Variants in AJAP1 observed in about 807,000 individuals in gnomAD.
The protein encoded by AJAP1 is adherens junction-associated protein 1.
A neutral mutation model predicts 35.0 loss-of-function variants in AJAP1; 5 were observed. The observed-to-expected ratio is 0.14, with a 90% CI of 0.07 to 0.30. The LOEUF (loss-of-function observed/expected upper bound fraction) is 0.30, where lower values mean the gene tolerates loss of function less well. AJAP1 is among the 10% of genes least tolerant of loss of function. The probability of loss-of-function intolerance (pLI) is 1.00; values close to 1 mark genes in which losing one functional copy is unlikely to be tolerated. For synonymous variants in AJAP1, 284 were observed against 249.3 expected (o/e 1.14, Z -1.31); for missense variants, 586 against 571.0 (o/e 1.03, Z -0.27).
intron 2 of AJAP1, among the ~76,000 whole-genome samples, chr1:4,763,087 T>C (rs1641608547): frequency 3.9e-5 from 6 of 152,208 alleles, no homozygotes; most frequent in Admixed American, 2.0e-4. Flanking sequence ...AACCCAAGGC[T>C]TCAGCTGCAG....
In AJAP1 at chr1:4,655,409, C is replaced by G. The variant is rs1177271646; in HGVS notation, c.-17C>G. On this transcript the variant is annotated 5_prime_UTR_variant, in exon 1 of 6. Transcript: ENST00000378191. This position sits in a 1 kb window ranked among gnomAD's most constrained non-coding sequence, Gnocchi z 6.9. Reference sequence around the variant, plus strand: ...TGGGCGAGCCAGGTCTGAGGCCCCGCTCCCCGAAACGTGACCATGTGGATT... The same window carrying G: ...TGGGCGAGCCAGGTCTGAGGCCCCGGTCCCCGAAACGTGACCATGTGGATT... 2.6e-6 allele frequency: 4 copies of G among 1,559,378 alleles called. No homozygotes were observed. The highest frequency in any genetic ancestry group is 3.5e-6 in the Non-Finnish European group (4 of 1,153,082).
chr1:4,759,428 G>A (rs1246159389), intron 2 of AJAP1, among the ~76,000 whole-genome samples: 1 of 152,204 alleles, frequency 6.6e-6, no homozygotes, highest in Non-Finnish European at 1.5e-5. Context: ...GAAGCTGGAT[G>A]GACTGATGTT....
intron 2 of AJAP1, among the ~76,000 whole-genome samples, chr1:4,760,436 C>T (rs1211170263): frequency 6.6e-6 from 1 of 152,072 alleles, no homozygotes; most frequent in Non-Finnish European, 1.5e-5. Context: ...GGAAGCTGCC[C>T]TGGAACCACT....
chr1:4,673,018 C>T (rs74051929), intron 1 of AJAP1, among the ~76,000 whole-genome samples: 4,809 of 152,218 alleles, frequency 0.032, 283 homozygotes, highest in Admixed American at 0.15. Context: ...TGCTTCCAGT[C>T]GAGGTGGGAC....
At chr1:4,683,226 G>A (rs1290818426) in intron 1 of AJAP1, among the ~76,000 whole-genome samples, 1 of 152,228 alleles carries the variant, frequency 6.6e-6, no homozygotes, top group Non-Finnish European at 1.5e-5. Context: ...GGCATGGGAA[G>A]AGTAAAATGA....
At chr1:4,767,834 C>T (rs968960320) in intron 2 of AJAP1, among the ~76,000 whole-genome samples, 2 of 152,180 alleles carry the variant, frequency 1.3e-5, no homozygotes, top group Admixed American at 6.5e-5. Context: ...TTGACTGGGC[C>T]AGAGGGAGTG....
chr1:4,688,865 G>A (rs1639668649), intron 1 of AJAP1, among the ~76,000 whole-genome samples: 1 of 151,748 alleles, frequency 6.6e-6, no homozygotes, highest in Non-Finnish European at 1.5e-5. Context: ...TATTAACTCA[G>A]GAAGTTCACA....
intron 5 of AJAP1, among the ~76,000 whole-genome samples, chr1:4,775,464 AT>A (rs1228642867): frequency 1.3e-5 from 2 of 152,032 alleles, no homozygotes; most frequent in Admixed American, 6.5e-5. Context: ...ATTTGAAAAT[AT>A]TTTTTTCTTA....
intron 1 of AJAP1, among the ~76,000 whole-genome samples, chr1:4,694,778 G>A (rs1169311845): frequency 6.6e-6 from 1 of 152,216 alleles, no homozygotes; most frequent in Non-Finnish European, 1.5e-5. Flanking sequence ...GGTACCCGGG[G>A]AGCCGAGCAT....
chr1:4,660,547 G>A lies in AJAP1; in HGVS notation c.29+5093G>A, dbSNP rs932459927. 2.0e-5 allele frequency among the ~76,000 whole-genome samples: 3 copies of A among 152,012 alleles called. No homozygotes were observed. In the East Asian group the frequency reaches 5.8e-4, roughly 29 times the overall value. On this transcript the variant is annotated intron_variant, in intron 1 of 5. Transcript: ENST00000378191. The stretch of plus-strand genomic sequence containing the variant: ...TGCAATTCCACAGTTAAAATTAAAG[G>A]TTTAATTAAAAGAAACAAACTAACA...
intron 2 of AJAP1, among the ~76,000 whole-genome samples, chr1:4,738,813 G>A (rs1640991355): frequency 6.6e-6 from 1 of 152,188 alleles, no homozygotes; most frequent in South Asian, 2.1e-4. Context: ...TGGACAAAAT[G>A]TGGGCGGAGG....
intron 2 of AJAP1, among the ~76,000 whole-genome samples, chr1:4,744,911 G>A (rs1361028810): frequency 6.6e-6 from 1 of 152,112 alleles, no homozygotes; most frequent in Non-Finnish European, 1.5e-5. Flanking sequence ...CTTCAGGAGA[G>A]AGGCAGACCT....
At chr1:4,781,960 C>T (rs1252924948) in intron 5 of AJAP1, among the ~76,000 whole-genome samples, 1 of 152,224 alleles carries the variant, frequency 6.6e-6, no homozygotes, top group African/African-American at 2.4e-5. Flanking sequence ...CTCGCCTTCT[C>T]TCTCTTTGGC....
intron 1 of AJAP1, among the ~76,000 whole-genome samples, chr1:4,677,382 A>G (rs112096493): frequency 0.012 from 1,828 of 152,248 alleles, 45 homozygotes; most frequent in African/African-American, 0.042. Flanking sequence ...GATTCCACGA[A>G]TAGAGAGGCT....
At position 4,707,874 on chromosome 1, in the gene AJAP1, G is replaced by A. The variant is rs577061451; in HGVS notation, c.30-4026G>A. On this transcript the variant is annotated intron_variant, in intron 1 of 5. Transcript: ENST00000378191. The stretch of plus-strand genomic sequence containing the variant: ...TTCATTCCCACCAACAGCATACTAG[G>A]TCTCTCATCTCCTCGTGTCCTCGCC... Among the ~76,000 whole-genome samples the A allele has an allele frequency of 3.3e-5, 5 of 151,138 alleles. No homozygotes were observed. The East Asian group carries it at 7.9e-4, about 24-fold the overall frequency.
At chr1:4,672,682 T>G (rs1170679635) in intron 1 of AJAP1, among the ~76,000 whole-genome samples, 1 of 152,082 alleles carries the variant, frequency 6.6e-6, no homozygotes, top group Non-Finnish European at 1.5e-5. Flanking sequence ...ATCCAGGCTG[T>G]GTGAGTGAGA....
intron 1 of AJAP1, among the ~76,000 whole-genome samples, chr1:4,663,060 G>A (rs1008737388): frequency 1.3e-5 from 2 of 152,214 alleles, no homozygotes; most frequent in African/African-American, 2.4e-5. Flanking sequence ...TCCCAGGGGG[G>A]CAGTGGGGCC....
intron 1 of AJAP1, among the ~76,000 whole-genome samples, chr1:4,701,026 C>T (rs1335510009): frequency 6.6e-6 from 1 of 152,248 alleles, no homozygotes; most frequent in Non-Finnish European, 1.5e-5. Context: ...TGCTTGTCAC[C>T]ACTTCACTCC....
chr1:4,668,249 C>T (rs1639178610), intron 1 of AJAP1, among the ~76,000 whole-genome samples: 1 of 151,250 alleles, frequency 6.6e-6, no homozygotes, highest in African/African-American at 2.4e-5. Context: ...CAACTTTCTT[C>T]CTCCTTGTGT....
Sources: allele counts gnomAD v4.1 joint callset (sites outside exome capture counted in the v4.1 genomes callset), GRCh38; gene constraint gnomAD v4.1.1; non-coding constraint Gnocchi (gnomAD v3.1); transcripts MANE v1.5; gene names NCBI Gene and HGNC (gene_info 2026-07-23, HGNC 2026-07-21).